Variants in CDK14 observed in about 807,000 individuals in gnomAD.
CDK14 encodes cyclin dependent kinase 14, also known as cyclin-dependent kinase 14.
A neutral mutation model predicts 60.7 loss-of-function variants in CDK14; 34 were observed. The observed-to-expected ratio is 0.56, with a 90% confidence interval of 0.43 to 0.75. CDK14 has a LOEUF of 0.75. Among genes scored for constraint, CDK14 ranks in the 30% least tolerant of loss-of-function variants. The pLI, the probability that CDK14 is intolerant of heterozygous loss-of-function variation, is 0.00. For missense variants in CDK14, 482 were observed against 564.1 expected (o/e 0.85, Z 1.47); for synonymous variants, 197 against 203.7 (o/e 0.97, Z 0.28).
intron 14 of CDK14, among the ~76,000 whole-genome samples, chr7:91,147,154 TCTCTCTCTCACACACA>T (rs1188732927): frequency 7.8e-5 from 8 of 103,186 alleles, no homozygotes; most frequent in Non-Finnish European, 1.3e-4. Flanking sequence ...TCTCTCTCTC[TCTCTCTCTCACACACA>T]CACACACACA....
At chr7:90,948,917 A>G (rs978997383) in intron 8 of CDK14, among the ~76,000 whole-genome samples, 1 of 152,174 alleles carries the variant, frequency 6.6e-6, no homozygotes, top group Admixed American at 6.5e-5. Context: ...TCTAAGAACA[A>G]CAGCATGTTT....
intron 14 of CDK14, among the ~76,000 whole-genome samples, chr7:91,199,703 A>AT (rs1254245996): frequency 2.6e-5 from 4 of 152,208 alleles, no homozygotes; most frequent in African/African-American, 9.6e-5. Flanking sequence ...TTTGCCTAAA[A>AT]TTTTTTAATT....
rs114232561 is a variant in CDK14 at position 91,136,938 on chromosome 7, A to G, written c.*28+18730A>G. On this transcript the variant is annotated intron_variant, in intron 14 of 14. Coordinates refer to ENST00000380050, the MANE Select transcript of CDK14 (RefSeq NM_001287135.2). Reference sequence around the variant, plus strand: ...GCACACTTTGAAATTCGCATGAGCCATCTTCTAAGAGAAAAGTTATGCCCT... The same window carrying G: ...GCACACTTTGAAATTCGCATGAGCCGTCTTCTAAGAGAAAAGTTATGCCCT... Among the ~76,000 whole-genome samples, 802 of 152,348 alleles carry G rather than the reference A, an allele frequency of 5.3e-3. 6 individuals are homozygous for G. The highest frequency in any genetic ancestry group is 0.015 in the African/African-American group (638 of 41,584).
At chr7:90,716,071 A>C (rs1423711826) in intron 2 of CDK14, among the ~76,000 whole-genome samples, 1 of 151,984 alleles carries the variant, frequency 6.6e-6, no homozygotes, top group Non-Finnish European at 1.5e-5. Context: ...ATAATTGTGG[A>C]TGTCAACTGG....
At chr7:90,989,606 T>C (rs1795474638) in intron 10 of CDK14, among the ~76,000 whole-genome samples, 1 of 152,200 alleles carries the variant, frequency 6.6e-6, no homozygotes, top group Non-Finnish European at 1.5e-5. Flanking sequence ...GAATAATTGC[T>C]GAGCAATTGG....
In CDK14 at chr7:90,747,760, A is replaced by G; in HGVS notation, c.449A>G (p.Tyr150Cys). ...GGGGAAGGATCTTATGCTACAGTAT[A>G]CAAAGGGAAAAGCAAGTAAGTTCAT... ...KLGEGSYATVYKGKSKVNGKL... is the reference protein window; with the variant it reads ...KLGEGSYATVCKGKSKVNGKL... Residue 150 changes from tyrosine to cysteine, a missense_variant, in exon 4 of 15, where the codon TAC becomes TGC. Tyr to Cys is a radical substitution (Grantham distance 194). Transcript: ENST00000380050. The G allele has an allele frequency of 6.4e-7, 1 of 1,570,560 alleles. No individual in the cohort carries two copies. Among genetic ancestry groups the G allele is most frequent in the Non-Finnish European group, 8.6e-7 (1 of 1,163,732 alleles).
chr7:90,970,866 T>G (rs761594136), intron 9 of CDK14, among the ~76,000 whole-genome samples: 15 of 152,208 alleles, frequency 9.9e-5, no homozygotes, highest in Non-Finnish European at 2.1e-4. Context: ...AATGCCTTTT[T>G]CTGTTGCAGT....
chr7:90,837,678 A>T (rs1292049179), intron 5 of CDK14, among the ~76,000 whole-genome samples: 2 of 152,080 alleles, frequency 1.3e-5, no homozygotes, highest in African/African-American at 2.4e-5. Context: ...TGGACTTAGA[A>T]GCCCAGCAGA....
intron 6 of CDK14, among the ~76,000 whole-genome samples, chr7:90,889,332 A>G (rs754113153): frequency 1.3e-5 from 2 of 152,230 alleles, no homozygotes; most frequent in Admixed American, 1.3e-4. Context: ...TGTCATTGCC[A>G]GAAGCCAAAT....
intron 6 of CDK14, among the ~76,000 whole-genome samples, chr7:90,881,781 T>A (rs1261703240): frequency 2.6e-5 from 4 of 152,178 alleles, no homozygotes; most frequent in Non-Finnish European, 1.5e-5. Context: ...GAGGCCAATA[T>A]TCAATATTCT....
intron 3 of CDK14, among the ~76,000 whole-genome samples, chr7:90,729,344 G>GT (rs1237046149): frequency 0.081 from 3,665 of 45,000 alleles, 814 homozygotes; most frequent in Non-Finnish European, 0.097. Flanking sequence ...AGGTATCAAG[G>GT]TTTTTTTTTT....
chr7:90,642,395 C>T (rs1035675445), intron 2 of CDK14, among the ~76,000 whole-genome samples: 6 of 152,090 alleles, frequency 3.9e-5, no homozygotes, highest in Non-Finnish European at 8.8e-5. Flanking sequence ...CATTTTCCCC[C>T]TATATAAGTA....
At chr7:90,805,787 T>C (rs1788803705) in intron 5 of CDK14, among the ~76,000 whole-genome samples, 1 of 152,170 alleles carries the variant, frequency 6.6e-6, no homozygotes, top group Admixed American at 6.5e-5. Context: ...TGAGCTACAA[T>C]TATATTTCAT....
chr7:90,940,811 A>G (rs1370490145), intron 8 of CDK14, among the ~76,000 whole-genome samples: 3 of 152,036 alleles, frequency 2.0e-5, no homozygotes, highest in Non-Finnish European at 4.4e-5. Flanking sequence ...ATATCTATCT[A>G]TATCTGTATT....
chr7:90,965,113 G>T (rs1325421170), intron 9 of CDK14, among the ~76,000 whole-genome samples: 1 of 151,994 alleles, frequency 6.6e-6, no homozygotes, highest in Non-Finnish European at 1.5e-5. Flanking sequence ...TCTTGGCTTG[G>T]CACAATGTAG....
chr7:90,698,137 T>A (rs987260664), intron 2 of CDK14, among the ~76,000 whole-genome samples: 2 of 150,432 alleles, frequency 1.3e-5, no homozygotes, highest in Non-Finnish European at 3.0e-5. Context: ...AAAAAAGTAC[T>A]TAAAGAAAAT....
intron 2 of CDK14, among the ~76,000 whole-genome samples, chr7:90,664,096 GAA>G (rs1229687828): frequency 1.3e-5 from 2 of 151,576 alleles, no homozygotes. Context: ...AAATTTACAG[GAA>G]AAAAACAACC....
chr7:90,722,544 T>G (rs1295044480), intron 2 of CDK14, among the ~76,000 whole-genome samples: 2 of 152,164 alleles, frequency 1.3e-5, no homozygotes, highest in African/African-American at 2.4e-5. Context: ...AGTTTGCTAG[T>G]AGTTAGCAAA....
At chr7:91,000,598 A>G (rs1795810682) in intron 10 of CDK14, among the ~76,000 whole-genome samples, 1 of 152,228 alleles carries the variant, frequency 6.6e-6, no homozygotes, top group South Asian at 2.1e-4. Context: ...TATTCCCTCC[A>G]CATAACCCAG....
Sources: allele counts gnomAD v4.1 joint callset (sites outside exome capture counted in the v4.1 genomes callset), GRCh38; gene constraint gnomAD v4.1.1; transcripts MANE v1.5; gene names NCBI Gene and HGNC (gene_info 2026-07-23, HGNC 2026-07-21).